LRRTM4: variants seen among roughly 807,000 people sequenced by gnomAD.
The protein encoded by LRRTM4 is leucine-rich repeat transmembrane neuronal protein 4.
LRRTM4 carries 25 observed loss-of-function variants against 47.6 expected under a neutral mutation model. The observed-to-expected ratio is 0.53, with a 90% CI of 0.38 to 0.73. LRRTM4 has a LOEUF of 0.73. Among genes scored for constraint, LRRTM4 ranks in the 30% least tolerant of loss-of-function variants. The probability of loss-of-function intolerance (pLI) is 0.00; values close to 1 mark genes in which losing one functional copy is unlikely to be tolerated. For missense variants in LRRTM4, 638 were observed against 713.4 expected (o/e 0.89, Z 1.20); for synonymous variants, 311 against 269.5 (o/e 1.15, Z -1.51).
intron 3 of LRRTM4, among the ~76,000 whole-genome samples, chr2:76,891,484 T>A (rs567525015): frequency 6.6e-6 from 1 of 151,614 alleles, no homozygotes; most frequent in Admixed American, 6.6e-5. Flanking sequence ...AGTTAGAATA[T>A]TGGAAAAGTA....
intron 3 of LRRTM4, among the ~76,000 whole-genome samples, chr2:77,482,722 C>T (rs538729566): frequency 6.6e-6 from 1 of 152,076 alleles, no homozygotes; most frequent in East Asian, 1.9e-4. Flanking sequence ...TCCTTAACTC[C>T]TTTATTTATA....
Position 76,807,928 on chromosome 2 carries a change from C to T in LRRTM4, c.1552-59012G>A, listed in dbSNP as rs537898157. ...TTCTTTCTTTTCTTTCCTTTCTTTC[C>T]TTTCCTTTCTTTCTTTCTTTCTTTC... On this transcript the variant is annotated intron_variant, in intron 3 of 3. Coordinates refer to ENST00000409884, the MANE Select transcript of LRRTM4 (RefSeq NM_001134745.3). Among the ~76,000 whole-genome samples, 20 of 108,196 alleles carry T rather than the reference C, an allele frequency of 1.8e-4. 1 individual carries two copies. The South Asian group carries it at 3.1e-3, about 17-fold the overall frequency. The allele number at this position is 108,196 out of a possible 152,430, so 71.0% of individuals were successfully genotyped here. A position where few individuals can be genotyped will look rare whatever the true frequency, so the allele number is the denominator to read the frequency against.
At chr2:77,025,232 C>T (rs940804516) in intron 3 of LRRTM4, among the ~76,000 whole-genome samples, 4 of 152,146 alleles carry the variant, frequency 2.6e-5, no homozygotes, top group Admixed American at 2.0e-4. Flanking sequence ...CAAATACAGG[C>T]TGTTGATAAT....
intron 3 of LRRTM4, among the ~76,000 whole-genome samples, chr2:77,144,518 A>T (rs1672205789): frequency 6.6e-6 from 1 of 152,178 alleles, no homozygotes; most frequent in Non-Finnish European, 1.5e-5. Flanking sequence ...TACACGGAAG[A>T]AAAACACACT....
At chr2:77,083,820 T>TTTTTTTTTTTTTA (rs1558569867) in intron 3 of LRRTM4, among the ~76,000 whole-genome samples, 1 of 119,898 alleles carries the variant, frequency 8.3e-6, no homozygotes, top group Non-Finnish European at 1.6e-5. Flanking sequence ...TTTTTTTTTT[T>TTTTTTTTTTTTTA]TTCAGACGGA....
intron 3 of LRRTM4, among the ~76,000 whole-genome samples, chr2:76,954,696 A>T (rs976200028): frequency 6.6e-6 from 1 of 151,840 alleles, no homozygotes; most frequent in Non-Finnish European, 1.5e-5. Flanking sequence ...AACCCAGTGA[A>T]TTAGAACTGA....
At position 76,913,388 on chromosome 2, in the gene LRRTM4, T is replaced by C. The variant is rs147288627; in HGVS notation, c.1552-164472A>G. 5.0e-3 allele frequency among the ~76,000 whole-genome samples: 757 copies of C among 152,164 alleles called. 6 individuals are homozygous for C. Among genetic ancestry groups the C allele is most frequent in the African/African-American group, 0.018 (735 of 41,518 alleles). ...TATTGCTGATCTAGGATGATTGATA[T>C]CTGTTCATTTATTTAACTAAATATA... On this transcript the variant is annotated intron_variant, in intron 3 of 3. Transcript: ENST00000409884.
At position 77,351,259 on chromosome 2, in the gene LRRTM4, T is replaced by A. The variant is rs528762370; in HGVS notation, c.1551+167059A>T. ...GGAAACACACATTGATATAGCTCAC[T>A]GTGAAATAAAGTAGGAAAAAAAAAA... On this transcript the variant is annotated intron_variant, in intron 3 of 3. Transcript: ENST00000409884. Among the ~76,000 whole-genome samples the A allele has an allele frequency of 4.8e-4, 73 of 150,986 alleles. 1 individual carries two copies. The South Asian group carries it at 0.015, about 31-fold the overall frequency.
intron 3 of LRRTM4, among the ~76,000 whole-genome samples, chr2:77,056,942 TG>T (rs1238788866): frequency 7.2e-5 from 11 of 152,354 alleles, no homozygotes; most frequent in African/African-American, 2.4e-4. Flanking sequence ...ATATAGGATT[TG>T]GCAAACTCAA....
At chr2:77,392,501 T>C (rs1347633492) in intron 3 of LRRTM4, among the ~76,000 whole-genome samples, 1 of 152,094 alleles carries the variant, frequency 6.6e-6, no homozygotes, top group African/African-American at 2.4e-5. Flanking sequence ...CAATGTAGTA[T>C]ATATACACAA....
At chr2:77,175,479 C>T (rs1673169686) in intron 3 of LRRTM4, among the ~76,000 whole-genome samples, 1 of 152,090 alleles carries the variant, frequency 6.6e-6, no homozygotes, top group African/African-American at 2.4e-5. Context: ...TTGCTGGCTC[C>T]TTGCTCCTTG....
chr2:77,118,225 T>C (rs1005762093), intron 3 of LRRTM4, among the ~76,000 whole-genome samples: 3 of 151,752 alleles, frequency 2.0e-5, no homozygotes, highest in Non-Finnish European at 3.0e-5. Context: ...GCCACGTTGT[T>C]TGGGAAAAAA....
At chr2:76,889,212 G>A (rs955133457) in intron 3 of LRRTM4, among the ~76,000 whole-genome samples, 1 of 151,656 alleles carries the variant, frequency 6.6e-6, no homozygotes. Flanking sequence ...TATCTTGATC[G>A]CCATTTTACT....
intron 3 of LRRTM4, among the ~76,000 whole-genome samples, chr2:76,796,104 A>C (rs375629764): frequency 0.19 from 23,179 of 121,970 alleles, 3,651 homozygotes; most frequent in East Asian, 0.36. Flanking sequence ...TGCGCTTTTC[A>C]GACAGGCTTA....
intron 3 of LRRTM4, among the ~76,000 whole-genome samples, chr2:77,419,241 C>T (rs1246548790): frequency 2.0e-5 from 3 of 152,130 alleles, no homozygotes; most frequent in Non-Finnish European, 4.4e-5. Flanking sequence ...AATTCCAAGA[C>T]TCATGTGCTT....
chr2:77,090,217 G>T (rs972559657), intron 3 of LRRTM4, among the ~76,000 whole-genome samples: 40 of 152,106 alleles, frequency 2.6e-4, no homozygotes, highest in African/African-American at 9.2e-4. Context: ...CTCTTAAAAA[G>T]GTGGCTGGTG....
chr2:77,088,494 GAACA>G (rs777852744), intron 3 of LRRTM4, among the ~76,000 whole-genome samples: 84 of 152,186 alleles, frequency 5.5e-4, no homozygotes, highest in Admixed American at 1.0e-3. Context: ...GCCTGCCAGA[GAACA>G]AACCCCCTTT....
At chr2:77,099,269 G>A (rs992964221) in intron 3 of LRRTM4, among the ~76,000 whole-genome samples, 1 of 151,784 alleles carries the variant, frequency 6.6e-6, no homozygotes, top group Admixed American at 6.6e-5. Flanking sequence ...TTTCATGATT[G>A]TCTATTGTAT....
intron 3 of LRRTM4, among the ~76,000 whole-genome samples, chr2:76,756,743 TC>T (rs1222643920): frequency 6.6e-6 from 1 of 151,830 alleles, no homozygotes; most frequent in African/African-American, 2.4e-5. Context: ...CACAAAAATC[TC>T]CCTCCCTAAA....
Sources: allele counts gnomAD v4.1 joint callset (sites outside exome capture counted in the v4.1 genomes callset), GRCh38; gene constraint gnomAD v4.1.1; transcripts MANE v1.5; gene names NCBI Gene and HGNC (gene_info 2026-07-23, HGNC 2026-07-21).